Variants in PTCSC3 observed in about 807,000 individuals in gnomAD.
The protein encoded by PTCSC3 is papillary thyroid carcinoma susceptibility candidate 3 (non-protein coding).
At chr14:36,168,913 G>A (rs1882144628) in intron 1 of PTCSC3, among the ~76,000 whole-genome samples, 1 of 152,138 alleles carries the variant, frequency 6.6e-6, no homozygotes, top group Admixed American at 6.5e-5. Flanking sequence ...GAACCACTGT[G>A]CCTGGCTAGA....
intron 1 of PTCSC3, among the ~76,000 whole-genome samples, chr14:36,168,993 A>G (rs1320393037): frequency 2.0e-5 from 3 of 152,160 alleles, no homozygotes; most frequent in Non-Finnish European, 4.4e-5. Context: ...TCAGAGTTTA[A>G]ACAGAGATCT....
At chr14:36,171,460 G>A (rs1486162776) in intron 1 of PTCSC3, among the ~76,000 whole-genome samples, 2 of 152,222 alleles carry the variant, frequency 1.3e-5, no homozygotes, top group East Asian at 1.9e-4. Context: ...TCTCCCATAC[G>A]CTGTATGAGG....
At chr14:36,138,527 A>G (rs1428553551) in intron 3 of PTCSC3, among the ~76,000 whole-genome samples, 1 of 152,198 alleles carries the variant, frequency 6.6e-6, no homozygotes, top group Non-Finnish European at 1.5e-5. Flanking sequence ...AATTTGGCAA[A>G]ATTTTAGACA....
At chr14:36,176,567 C>T (rs1189822182), upstream of PTCSC3, 3 of 152,020 alleles carry the variant, frequency 2.0e-5, no homozygotes, top group Non-Finnish European at 2.9e-5. Context: ...TTATCCTGTT[C>T]CCCCTACCCA....
intron 3 of PTCSC3, among the ~76,000 whole-genome samples, chr14:36,152,165 T>C (rs573207609): frequency 6.6e-6 from 1 of 152,282 alleles, no homozygotes; most frequent in African/African-American, 2.4e-5. Flanking sequence ...GTAGAATTTC[T>C]ACAATATTAC....
intron 1 of PTCSC3, among the ~76,000 whole-genome samples, chr14:36,171,169 G>T (rs1428854837): frequency 6.6e-6 from 1 of 152,056 alleles, no homozygotes; most frequent in Non-Finnish European, 1.5e-5. Context: ...TGTAGGTTAA[G>T]AATTTCCCAT....
At chr14:36,134,997 C>T (rs752518899), downstream of PTCSC3, among the ~76,000 whole-genome samples, 1 of 152,144 alleles carries the variant, frequency 6.6e-6, no homozygotes, top group Non-Finnish European at 1.5e-5. Context: ...TTTAAAGTAA[C>T]CCAATTTTGG....
intron 3 of PTCSC3, among the ~76,000 whole-genome samples, chr14:36,142,805 C>G: frequency 8.5e-6 from 1 of 117,232 alleles, no homozygotes; most frequent in Non-Finnish European, 1.7e-5. Flanking sequence ...TATCCCTCCC[C>G]CCTCCCCCCA....
rs965592014 is a variant in PTCSC3 at position 36,147,595 on chromosome 14, C to T, written n.322+6209G>A. ...TTTTTCAAAATTTTCAACTTCTTTG[C>T]CTTTGGTTTGAATTTCCTCCCGTAG... On this transcript the variant is annotated intron_variant and non_coding_transcript_variant, in intron 3 of 3. Coordinates refer to ENST00000556013, the Ensembl canonical transcript of PTCSC3. 4.0e-5 allele frequency among the ~76,000 whole-genome samples: 6 copies of T among 151,820 alleles called. No individual in the cohort carries two copies. The South Asian group carries it at 6.2e-4, about 16-fold the overall frequency.
intron 3 of PTCSC3, among the ~76,000 whole-genome samples, chr14:36,145,874 T>G (rs200950338): frequency 0.063 from 5,675 of 90,576 alleles, no homozygotes; most frequent in Non-Finnish European, 0.063. Context: ...TTTGTTCTCG[T>G]TGGTTTCAAA....
chr14:36,157,077 T>A (rs1881846164), intron 2 of PTCSC3, among the ~76,000 whole-genome samples: 1 of 152,230 alleles, frequency 6.6e-6, no homozygotes, highest in African/African-American at 2.4e-5. Flanking sequence ...CAGCATCTGT[T>A]GTTTCCTGAC....
intron 2 of PTCSC3, among the ~76,000 whole-genome samples, chr14:36,159,920 C>T (rs1234876365): frequency 9.2e-5 from 14 of 152,106 alleles, no homozygotes; most frequent in Non-Finnish European, 1.5e-5. Flanking sequence ...GTACTGGGTG[C>T]ATATATATTT....
intron 1 of PTCSC3, among the ~76,000 whole-genome samples, chr14:36,174,858 G>GT (rs2139116181): frequency 6.6e-6 from 1 of 152,284 alleles, no homozygotes; most frequent in South Asian, 2.1e-4. Context: ...GATGTCAGGA[G>GT]TTTTAACAAG....
At chr14:36,139,124 A>C (rs1377173944) in intron 3 of PTCSC3, among the ~76,000 whole-genome samples, 1 of 150,234 alleles carries the variant, frequency 6.7e-6, no homozygotes, top group African/African-American at 2.5e-5. Context: ...AAAAATAAAA[A>C]AAAAAAAAAA....
At position 36,162,258 on chromosome 14, in the gene PTCSC3, G is replaced by GAAAAAAAAAAAAAAAAAAAAAA. The variant is rs58223160; in HGVS notation, n.231+344_231+365dup. Among the ~76,000 whole-genome samples the GAAAAAAAAAAAAAAAAAAAAAA allele has an allele frequency of 6.6e-5, 7 of 106,542 alleles. 1 individual carries two copies. The highest frequency in any genetic ancestry group is 3.4e-4 in the African/African-American group (7 of 20,770). The allele number at this position is 106,542 out of a possible 152,430, so 69.9% of individuals were successfully genotyped here. On this transcript the variant is annotated intron_variant and non_coding_transcript_variant, in intron 2 of 3. Coordinates refer to ENST00000556013, the Ensembl canonical transcript of PTCSC3. ...GCGTTCCAGGAGCTGCTGGGGTATG[G>GAAAAAAAAAAAAAAAAAAAAAA]AAAAAAAAAAAAAAAAAAAAAAAAA...
chr14:36,171,469 G>A (rs536967711), intron 1 of PTCSC3, among the ~76,000 whole-genome samples: 38 of 152,238 alleles, frequency 2.5e-4, no homozygotes, highest in Non-Finnish European at 5.0e-4. Context: ...CGCTGTATGA[G>A]GAAGAAAAAT....
intron 3 of PTCSC3, among the ~76,000 whole-genome samples, chr14:36,142,765 T>C (rs1881454827): frequency 6.6e-6 from 1 of 150,500 alleles, no homozygotes; most frequent in South Asian, 2.1e-4. Context: ...CACTAACTCA[T>C]CATCTAGCAT....
At chr14:36,156,516 G>A (rs528659002) in intron 2 of PTCSC3, among the ~76,000 whole-genome samples, 3 of 151,854 alleles carry the variant, frequency 2.0e-5, no homozygotes, top group African/African-American at 4.8e-5. Flanking sequence ...GCACCCATCC[G>A]CCCGTCATCT....
At chr14:36,167,528 A>G (rs1294570316) in intron 1 of PTCSC3, among the ~76,000 whole-genome samples, 1 of 152,178 alleles carries the variant, frequency 6.6e-6, no homozygotes, top group Non-Finnish European at 1.5e-5. Context: ...CCTGGGTAGA[A>G]TGTGGTCTCA....
Sources: allele counts gnomAD v4.1 joint callset (sites outside exome capture counted in the v4.1 genomes callset), GRCh38; gene constraint gnomAD v4.1.1; transcripts MANE v1.5; gene names NCBI Gene and HGNC (gene_info 2026-07-23, HGNC 2026-07-21).